Variants in MTMR3 observed in about 807,000 individuals in gnomAD.
MTMR3 encodes the protein phosphatidylinositol-3,5-bisphosphate 3-phosphatase MTMR3.
A neutral mutation model predicts 132.4 loss-of-function variants in MTMR3; 32 were observed. The observed-to-expected ratio is 0.24, with a 90% CI of 0.18 to 0.32. MTMR3 has a LOEUF of 0.32. Ranked by LOEUF, MTMR3 falls within the 10% of genes least tolerant of loss-of-function variation. The pLI, the probability that MTMR3 is intolerant of heterozygous loss-of-function variation, is 1.00. For missense variants in MTMR3, 1,216 were observed against 1,489.6 expected (o/e 0.82, Z 3.02); for synonymous variants, 556 against 550.3 (o/e 1.01, Z -0.14).
intron 1 of MTMR3, among the ~76,000 whole-genome samples, chr22:29,895,235 A>G (rs547129221): frequency 6.6e-6 from 1 of 152,278 alleles, no homozygotes; most frequent in East Asian, 1.9e-4. Flanking sequence ...AGCAGTTGAA[A>G]TAATAAATGT....
intron 5 of MTMR3, chr22:29,983,485 A>AGG (rs1460263457): frequency 2.0e-5 from 3 of 151,946 alleles, no homozygotes; most frequent in Non-Finnish European, 1.5e-5. Flanking sequence ...CCTGCTGCGA[A>AGG]GGAGGTTATT....
intron 7 of MTMR3, chr22:29,993,636 C>T (rs1166906974): frequency 1.3e-5 from 2 of 152,198 alleles, no homozygotes; most frequent in African/African-American, 4.8e-5. Flanking sequence ...CTGAAAAGTC[C>T]TTATCTTTTT....
At chr22:29,889,099 C>T (rs1481465280) in intron 1 of MTMR3, among the ~76,000 whole-genome samples, 2 of 151,886 alleles carry the variant, frequency 1.3e-5, no homozygotes, top group Non-Finnish European at 2.9e-5. Context: ...TATTCTATGC[C>T]TATCATTTTT....
At chr22:30,023,009 A>G (rs1018774731) in intron 19 of MTMR3, 5 of 428,974 alleles carry the variant, frequency 1.2e-5, no homozygotes, top group African/African-American at 4.0e-5. Flanking sequence ...TTCCCATTCA[A>G]CATGGCTACT....
At chr22:29,961,045 T>G (rs887219590) in intron 2 of MTMR3, among the ~76,000 whole-genome samples, 4 of 152,220 alleles carry the variant, frequency 2.6e-5, no homozygotes, top group Non-Finnish European at 5.9e-5. Flanking sequence ...ATACAGACAA[T>G]GCTTAGGCAT....
intron 1 of MTMR3, among the ~76,000 whole-genome samples, chr22:29,924,240 A>G (rs1216834432): frequency 6.6e-6 from 1 of 152,236 alleles, no homozygotes; most frequent in African/African-American, 2.4e-5. Context: ...TTAATTACAT[A>G]TAGTCTAAAA....
intron 1 of MTMR3, among the ~76,000 whole-genome samples, chr22:29,884,554 T>C (rs1467646865): frequency 6.8e-5 from 1 of 14,788 alleles, no homozygotes; most frequent in Admixed American, 1.4e-3. Context: ...AATGACACTT[T>C]TTTTTTTTTT....
At chr22:29,931,322 C>A (rs2065639220) in intron 1 of MTMR3, among the ~76,000 whole-genome samples, 1 of 152,200 alleles carries the variant, frequency 6.6e-6, no homozygotes, top group Non-Finnish European at 1.5e-5. Context: ...TATACAATGA[C>A]TTTTGGTTGT....
intron 1 of MTMR3, among the ~76,000 whole-genome samples, chr22:29,910,582 A>G (rs1353161554): frequency 6.6e-6 from 1 of 152,208 alleles, no homozygotes; most frequent in African/African-American, 2.4e-5. Flanking sequence ...TATGATAACC[A>G]AAAGTAGGAG....
chr22:29,894,524 G>GTGTA (rs1445918907), intron 1 of MTMR3, among the ~76,000 whole-genome samples: 3 of 152,092 alleles, frequency 2.0e-5, no homozygotes, highest in African/African-American at 7.2e-5. Flanking sequence ...GTGTGTGTGT[G>GTGTA]TGTGTGTGTG....
intron 1 of MTMR3, among the ~76,000 whole-genome samples, chr22:29,932,413 A>G (rs1191923257): frequency 6.6e-6 from 1 of 152,184 alleles, no homozygotes; most frequent in African/African-American, 2.4e-5. Flanking sequence ...TCTTTTCAAA[A>G]TGTTCCTTTT....
intron 1 of MTMR3, among the ~76,000 whole-genome samples, chr22:29,935,791 C>T (rs576411253): frequency 3.2e-5 from 4 of 124,192 alleles, no homozygotes; most frequent in South Asian, 2.5e-4. Context: ...CTCACTCTGT[C>T]GCCCAGGCTG....
chr22:29,958,147 T>G lies in MTMR3; in HGVS notation c.-85+1059T>G, dbSNP rs184400152. On this transcript the variant is annotated intron_variant, in intron 2 of 19. Transcript: ENST00000401950. ...AAACAAGTTCTGAAAAATTTGCGAG[T>G]TCTTTCTCCAGTGTGGCTACTAAAC... 2.4e-3 allele frequency among the ~76,000 whole-genome samples: 361 copies of G among 152,212 alleles called. 1 individual carries two copies. Among genetic ancestry groups the G allele is most frequent in the Non-Finnish European group, 7.2e-4 (49 of 68,016 alleles).
rs577527411 is a variant in MTMR3 at position 30,026,508 on chromosome 22, G to T, written c.*707G>T. The T allele has an allele frequency of 6.6e-6, 1 of 152,626 alleles. No homozygotes were observed. The highest frequency in any genetic ancestry group is 2.1e-4 in the South Asian group (1 of 4,832). The allele number at this position is 152,626 out of a possible 1,614,324, so 9.5% of individuals were successfully genotyped here. On this transcript the variant is annotated 3_prime_UTR_variant, in exon 20 of 20. Coordinates refer to ENST00000401950, the MANE Select transcript of MTMR3 (RefSeq NM_021090.4). ...GGTAGCCGTCATGTTGTCCCCCGTG[G>T]GATCCCATTTTTAACTTGACCCAGA...
chr22:29,944,082 G>A (rs527453387), intron 1 of MTMR3, among the ~76,000 whole-genome samples: 1 of 152,114 alleles, frequency 6.6e-6, no homozygotes, highest in African/African-American at 2.4e-5. Context: ...GCATCCCAAA[G>A]TGGTGGGATT....
At chr22:29,929,918 A>G (rs1476329436) in intron 1 of MTMR3, among the ~76,000 whole-genome samples, 1 of 152,140 alleles carries the variant, frequency 6.6e-6, no homozygotes, top group African/African-American at 2.4e-5. Flanking sequence ...GCATTGGACA[A>G]GTGTTTGAGA....
intron 8 of MTMR3, chr22:30,001,507 C>A (rs749817297): frequency 6.6e-6 from 1 of 152,224 alleles, no homozygotes; most frequent in South Asian, 2.1e-4. Context: ...GAGCCATGAC[C>A]GCTCCACTGC....
At position 30,019,925 on chromosome 22, in the gene MTMR3, A is replaced by G. The variant is rs758822499; in HGVS notation, c.2266A>G (p.Met756Val). 3 of 1,614,048 alleles carry G rather than the reference A, an allele frequency of 1.9e-6. No homozygotes were observed. In the East Asian group the frequency reaches 6.7e-5, roughly 36 times the overall value. ...TGCTGCTCTGAGGAGCCATCTGGAT[A>G]TGAGCTGGCCTCTGTTCTCACAGGG... ...GDAALRSHLD[M>V]SWPLFSQGIS... Residue 756 changes from methionine (M) to valine (V), a missense_variant, in exon 17 of 20, where the codon ATG becomes GTG. Coordinates refer to ENST00000401950, the MANE Select transcript of MTMR3 (RefSeq NM_021090.4).
At chr22:30,021,067 T>C in intron 17 of MTMR3, 183 bp downstream of exon 17, 1 of 648,258 alleles carries the variant, frequency 1.5e-6, no homozygotes. Context: ...CCTGCCTGTT[T>C]TCTGCTTCGC....
Sources: gnomAD v4.1 joint callset for allele counts (sites outside exome capture counted in the v4.1 genomes callset) on GRCh38, gnomAD v4.1.1 for gene constraint, MANE v1.5 for transcripts, NCBI Gene and HGNC (gene_info 2026-07-23, HGNC 2026-07-21) for gene names.